The following RIDA variants were observed in gnomAD, a reference collection of about 807,000 sequenced individuals.
RIDA encodes the protein reactive intermediate imine deaminase A.
Under a neutral mutation model 17.8 loss-of-function variants are expected in RIDA, and 17 were observed. The observed-to-expected ratio is 0.96, with a 90% CI of 0.65 to 1.43. The LOEUF (loss-of-function observed/expected upper bound fraction) is 1.43, where lower values mean the gene tolerates loss of function less well. Ranked by LOEUF, RIDA falls within the 40% of genes most tolerant of loss-of-function variation. The pLI is 0.00. For synonymous variants in RIDA, 48 were observed against 55.7 expected (o/e 0.86, Z 0.62); for missense variants, 158 against 161.7 (o/e 0.98, Z 0.12).
intron 2 of RIDA, 41 bp downstream of exon 2, chr8:98,108,605 G>A (rs775552273): frequency 8.4e-7 from 1 of 1,196,632 alleles, no homozygotes; most frequent in East Asian, 2.3e-5. Context: ...ACATTAAAAA[G>A]GTAGTAGAAA....
At chr8:98,106,530 T>C (rs1016066859) in intron 2 of RIDA, 3 of 524,600 alleles carry the variant, frequency 5.7e-6, no homozygotes, top group Non-Finnish European at 6.9e-6. Flanking sequence ...TGTCTCCTTT[T>C]GTGCGTAAAA....
At chr8:98,106,859 A>C (rs1815638855) in intron 2 of RIDA, among the ~76,000 whole-genome samples, 1 of 152,138 alleles carries the variant, frequency 6.6e-6, no homozygotes, top group African/African-American at 2.4e-5. Flanking sequence ...TGTGTCTTTT[A>C]AAATAATCTT....
intron 4 of RIDA, among the ~76,000 whole-genome samples, chr8:98,104,950 A>G (rs546033274): frequency 1.7e-4 from 26 of 152,104 alleles, no homozygotes; most frequent in African/African-American, 6.3e-4. Context: ...ATGTCAAGTG[A>G]TCCACCCACC....
In RIDA at chr8:98,111,196, C is replaced by G. The variant is rs867782435; in HGVS notation, c.66-2445G>C. ...GAAAAAGAAAACAATACATTGATACCTGAAAAAAAGCCAAACAAGTCTACT... is the reference window on the plus strand; with the variant it reads ...GAAAAAGAAAACAATACATTGATACGTGAAAAAAAGCCAAACAAGTCTACT... On this transcript the variant is annotated intron_variant, in intron 1 of 5. Transcript: ENST00000254878. Among the ~76,000 whole-genome samples, 21 of 151,894 alleles carry G rather than the reference C, an allele frequency of 1.4e-4. 1 individual carries two copies. The South Asian group carries it at 2.5e-3, about 18-fold the overall frequency.
intron 2 of RIDA, among the ~76,000 whole-genome samples, chr8:98,107,926 C>T (rs1815656122): frequency 6.6e-6 from 1 of 152,170 alleles, no homozygotes; most frequent in Non-Finnish European, 1.5e-5. Flanking sequence ...CATGCCACCA[C>T]ACCTGGCTAA....
intron 1 of RIDA, among the ~76,000 whole-genome samples, chr8:98,115,653 A>G (rs1420345298): frequency 6.6e-6 from 1 of 151,920 alleles, no homozygotes. Context: ...GGCCTCCCAC[A>G]GTGCTGGGAT....
intron 5 of RIDA, among the ~76,000 whole-genome samples, chr8:98,103,434 T>C (rs1815587549): frequency 6.6e-6 from 1 of 152,174 alleles, no homozygotes; most frequent in Non-Finnish European, 1.5e-5. Flanking sequence ...CTGCTAAGCT[T>C]TGAGTTAAAA....
At chr8:98,104,361 A>G (rs1815605060) in intron 5 of RIDA, 128 bp downstream of exon 5, 4 of 735,446 alleles carry the variant, frequency 5.4e-6, no homozygotes, top group Non-Finnish European at 9.7e-6. Flanking sequence ...CACTGGGATT[A>G]CAGGGGTAAG....
chr8:98,107,204 T>C (rs1815644944), intron 2 of RIDA, among the ~76,000 whole-genome samples: 1 of 152,228 alleles, frequency 6.6e-6, no homozygotes, highest in Non-Finnish European at 1.5e-5. Context: ...ACCAGTTCTT[T>C]ATGAGTGGAT....
chr8:98,104,082 C>CTTTTTTTT (rs539041035), intron 5 of RIDA, among the ~76,000 whole-genome samples: 2 of 127,980 alleles, frequency 1.6e-5, no homozygotes, highest in Non-Finnish European at 3.3e-5. Context: ...TATTTCTTTT[C>CTTTTTTTT]TTTTTTTTTT....
chr8:98,115,388 C>CAAA (rs766262204), intron 1 of RIDA, among the ~76,000 whole-genome samples: 6 of 41,158 alleles, frequency 1.5e-4, no homozygotes, highest in Admixed American at 3.1e-4. Flanking sequence ...ACTCTGCCTC[C>CAAA]AAAAAAAAAA....
In RIDA at chr8:98,108,756, AATAAACAGAAAGCTAGTGTATTT is replaced by A. The variant is rs764123817; in HGVS notation, c.66-28_66-6del. Reference sequence around the variant, plus strand: ...CTGTCGACTAATACAGCTTGACTGCAATAAACAGAAAGCTAGTGTATTTATGTAAGTATAAAACATAAAATTCA... The same window carrying A: ...CTGTCGACTAATACAGCTTGACTGCAATGTAAGTATAAAACATAAAATTCA... On this transcript the variant is annotated splice_region_variant and splice_polypyrimidine_tract_variant and intron_variant, in intron 1 of 5. Transcript: ENST00000254878. 460 of 1,555,126 alleles carry A rather than the reference AATAAACAGAAAGCTAGTGTATTT, an allele frequency of 3.0e-4. No homozygotes were observed. Among genetic ancestry groups the A allele is most frequent in the Non-Finnish European group, 3.8e-4 (433 of 1,126,506 alleles).
rs370409799 is a variant in RIDA, at chr8:98,108,017, G to A, written c.171+629C>T. ...ACTCCTGACCTCAGGTGATCTGCCCGCCTCGGCCTCCCAAAGTGCTGGGAT... is the reference window on the plus strand; with the variant it reads ...ACTCCTGACCTCAGGTGATCTGCCCACCTCGGCCTCCCAAAGTGCTGGGAT... On this transcript the variant is annotated intron_variant, in intron 2 of 5. Transcript: ENST00000254878. Among the ~76,000 whole-genome samples the A allele has an allele frequency of 6.9e-4, 104 of 150,682 alleles. 1 individual carries two copies. In the South Asian group the frequency reaches 0.021, roughly 30 times the overall value.
intron 5 of RIDA, among the ~76,000 whole-genome samples, chr8:98,103,966 T>C (rs1368877877): frequency 6.6e-6 from 1 of 152,116 alleles, no homozygotes; most frequent in Non-Finnish European, 1.5e-5. Context: ...ATTTTGATTC[T>C]GATTCTATGT....
intron 1 of RIDA, among the ~76,000 whole-genome samples, chr8:98,111,528 C>T (rs1327635227): frequency 1.3e-5 from 2 of 151,662 alleles, no homozygotes; most frequent in Non-Finnish European, 2.9e-5. Context: ...ATCACTTGAA[C>T]CTGGGAGGTG....
chr8:98,110,210 T>C (rs190319396), intron 1 of RIDA, among the ~76,000 whole-genome samples: 187 of 152,346 alleles, frequency 1.2e-3, no homozygotes, highest in African/African-American at 4.4e-3. Flanking sequence ...TTATAGTGGA[T>C]GCATGATTCT....
intron 1 of RIDA, among the ~76,000 whole-genome samples, chr8:98,116,639 G>C (rs1815833551): frequency 6.6e-6 from 1 of 151,644 alleles, no homozygotes; most frequent in African/African-American, 2.4e-5. Flanking sequence ...GCACAACTCT[G>C]TGAGTATGGT....
At chr8:98,113,855 A>T (rs1815763178) in intron 1 of RIDA, 1 of 152,254 alleles carries the variant, frequency 6.6e-6, no homozygotes, top group South Asian at 2.1e-4. Flanking sequence ...ACATTAGGGC[A>T]GAAGGAGAAA....
chr8:98,112,094 A>AT (rs897677730), intron 1 of RIDA, among the ~76,000 whole-genome samples: 23 of 151,254 alleles, frequency 1.5e-4, no homozygotes, highest in African/African-American at 5.6e-4. Context: ...GTGCTTCCTC[A>AT]TTTTTTTTAA....
Sources: gnomAD v4.1 joint callset for allele counts (sites outside exome capture counted in the v4.1 genomes callset) on GRCh38, gnomAD v4.1.1 for gene constraint, MANE v1.5 for transcripts, NCBI Gene and HGNC (gene_info 2026-07-23, HGNC 2026-07-21) for gene names.